Variants in HTR4 observed in about 807,000 individuals in gnomAD.
HTR4 encodes 5-hydroxytryptamine (serotonin) receptor 4, G protein-coupled.
In HTR4, 16 loss-of-function variants were observed where a neutral mutation model predicts 36.8. The ratio of observed to expected loss-of-function variants is 0.43; its 90% confidence interval spans 0.29 to 0.66. The LOEUF is 0.66. Ranked by LOEUF, HTR4 falls within the 30% of genes least tolerant of loss-of-function variation. The probability of loss-of-function intolerance (pLI) is 0.13; values close to 1 mark genes in which losing one functional copy is unlikely to be tolerated. For missense variants in HTR4, 438 were observed against 490.9 expected, an observed-to-expected ratio of 0.89 and a Z score of 1.02; for synonymous variants, 189 against 185.1, an observed-to-expected ratio of 1.02 and a Z score of -0.17.
intron 5 of HTR4, among the ~76,000 whole-genome samples, chr5:148,511,845 A>G (rs1028825138): frequency 6.6e-5 from 10 of 152,068 alleles, no homozygotes; most frequent in African/African-American, 2.4e-4. Context: ...GTGGTATCTC[A>G]TTGTGGATTT....
At chr5:148,507,947 G>A (rs942527609) in intron 6 of HTR4, among the ~76,000 whole-genome samples, 3 of 152,102 alleles carry the variant, frequency 2.0e-5, no homozygotes, top group African/African-American at 7.2e-5. Flanking sequence ...CACTCCTGAA[G>A]GCATAATAAT....
intron 6 of HTR4, among the ~76,000 whole-genome samples, chr5:148,504,195 G>T (rs866927441): frequency 3.3e-5 from 5 of 152,032 alleles, no homozygotes; most frequent in Admixed American, 6.6e-5. Context: ...ATATACATTC[G>T]TCTCAGCACC....
chr5:148,650,339 G>A (rs774526796), intron 1 of HTR4, among the ~76,000 whole-genome samples: 2 of 152,140 alleles, frequency 1.3e-5, no homozygotes, highest in African/African-American at 4.8e-5. Context: ...CTTCTCAGAC[G>A]TGCCTTAGAT....
chr5:148,616,127 A>T (rs78287855), intron 2 of HTR4, among the ~76,000 whole-genome samples: 2,565 of 152,346 alleles, frequency 0.017, 122 homozygotes, highest in East Asian at 0.12. Flanking sequence ...AAGGAGAAAT[A>T]TGAGGAGCTT....
At chr5:148,583,611 C>CCATCAT (rs112185238) in intron 2 of HTR4, among the ~76,000 whole-genome samples, 4,670 of 147,954 alleles carry the variant, frequency 0.032, 92 homozygotes, top group Non-Finnish European at 0.046. Context: ...ATACTAATTG[C>CCATCAT]CATCATCATC....
At chr5:148,494,821 C>T (rs1437219257) in intron 6 of HTR4, among the ~76,000 whole-genome samples, 1 of 152,200 alleles carries the variant, frequency 6.6e-6, no homozygotes, top group African/African-American at 2.4e-5. Context: ...GATTAAAAAA[C>T]TGAGTTTTTA....
intron 5 of HTR4, among the ~76,000 whole-genome samples, chr5:148,512,577 G>C (rs1301050497): frequency 6.6e-6 from 1 of 152,146 alleles, no homozygotes; most frequent in Non-Finnish European, 1.5e-5. Context: ...AGCTCTGAAA[G>C]AACCTATACT....
chr5:148,649,001 T>C (rs546848377), intron 1 of HTR4, among the ~76,000 whole-genome samples: 1 of 152,328 alleles, frequency 6.6e-6, no homozygotes, highest in Non-Finnish European at 1.5e-5. Flanking sequence ...GCTTTTATTA[T>C]GTATAACCAA....
At chr5:148,513,691 A>G (rs560865906) in intron 5 of HTR4, among the ~76,000 whole-genome samples, 69 of 152,320 alleles carry the variant, frequency 4.5e-4, no homozygotes, top group South Asian at 1.0e-3. Context: ...TTGGAATGAG[A>G]GTAAAATGAT....
chr5:148,601,003 A>AC (rs1761974533), intron 2 of HTR4, among the ~76,000 whole-genome samples: 4 of 133,220 alleles, frequency 3.0e-5, no homozygotes, highest in Admixed American at 1.6e-4. Flanking sequence ...AAAAAAAAAA[A>AC]CAAATAATGC....
In HTR4 at chr5:148,561,783, T is replaced by A. The variant is rs146019295; in HGVS notation, c.27-11521A>T. ...TGAGAAATTCAGCACAGGGAAAAAA[T>A]GTGGACCACATATGCCCTCTCCACT... is the stretch of plus-strand genomic sequence containing the variant. On this transcript the variant is annotated intron_variant, in intron 2 of 6. Transcript: ENST00000377888. Among the ~76,000 whole-genome samples the A allele has an allele frequency of 2.8e-3, 427 of 152,198 alleles. 5 individuals carry two copies. Among genetic ancestry groups the A allele is most frequent in the African/African-American group, 9.7e-3 (402 of 41,544 alleles).
intron 6 of HTR4, among the ~76,000 whole-genome samples, chr5:148,491,502 A>T (rs189965919): frequency 6.6e-6 from 1 of 152,110 alleles, no homozygotes; most frequent in East Asian, 1.9e-4. Context: ...TAACCTCGGC[A>T]CTATCTGGAA....
At chr5:148,603,008 C>A (rs989170668) in intron 2 of HTR4, among the ~76,000 whole-genome samples, 1 of 151,986 alleles carries the variant, frequency 6.6e-6, no homozygotes, top group African/African-American at 2.4e-5. Context: ...CTGGTGAATT[C>A]TTCCAAACAC....
chr5:148,529,955 A>C (rs1758471987), intron 4 of HTR4, among the ~76,000 whole-genome samples: 1 of 152,210 alleles, frequency 6.6e-6, no homozygotes, highest in African/African-American at 2.4e-5. Flanking sequence ...AGATTTGTGG[A>C]ACTTTCAACT....
chr5:148,451,135 A>G (rs762264016), exon 6 of HTR4: 1 of 1,611,924 alleles, frequency 6.2e-7, no homozygotes, highest in Non-Finnish European at 8.5e-7. Flanking sequence ...TGACCTGTTC[A>G]TGCAAACATG....
intron 2 of HTR4, among the ~76,000 whole-genome samples, chr5:148,630,888 G>A (rs1753299227): frequency 6.6e-6 from 1 of 152,084 alleles, no homozygotes; most frequent in African/African-American, 2.4e-5. Flanking sequence ...GCCAGTAAAT[G>A]GGAAAGTCAA....
chr5:148,453,717 G>T (rs138562938), intron 5 of HTR4, among the ~76,000 whole-genome samples: 157 of 152,248 alleles, frequency 1.0e-3, no homozygotes, highest in Non-Finnish European at 1.8e-3. Flanking sequence ...TCCCTATAAG[G>T]CTCTGGCTTT....
intron 1 of HTR4, among the ~76,000 whole-genome samples, chr5:148,648,554 T>C (rs1215416500): frequency 1.3e-5 from 2 of 152,192 alleles, no homozygotes; most frequent in Non-Finnish European, 2.9e-5. Context: ...TGATTCTCCA[T>C]CCAACATCCC....
chr5:148,619,805 C>A (rs1199148024), intron 2 of HTR4, among the ~76,000 whole-genome samples: 1 of 152,122 alleles, frequency 6.6e-6, no homozygotes, highest in Non-Finnish European at 1.5e-5. Flanking sequence ...TGAGCTGTAA[C>A]TTGACAGAGT....
Sources: gnomAD v4.1 joint callset for allele counts (sites outside exome capture counted in the v4.1 genomes callset) on GRCh38, gnomAD v4.1.1 for gene constraint, MANE v1.5 for transcripts, NCBI Gene and HGNC (gene_info 2026-07-23, HGNC 2026-07-21) for gene names.